GON4L: variants seen among roughly 807,000 people sequenced by gnomAD.
GON4L encodes the protein GON-4-like protein.
GON4L carries 87 observed loss-of-function variants against 211.8 expected under a neutral mutation model. The observed-to-expected ratio is 0.41, with a 90% CI of 0.35 to 0.49. The LOEUF is 0.49. Ranked by LOEUF, GON4L falls within the 20% of genes least tolerant of loss-of-function variation. The pLI is 0.15. For synonymous variants in GON4L, 875 were observed against 962.6 expected (o/e 0.91, Z 1.68); for missense variants, 2,155 against 2,659.5 (o/e 0.81, Z 4.17).
intron 2 of GON4L, among the ~76,000 whole-genome samples, chr1:155,832,383 G>A (rs539406325): frequency 1.6e-4 from 25 of 151,796 alleles, no homozygotes; most frequent in South Asian, 4.2e-4. Context: ...GGCTCACACC[G>A]TAATCCCAGC....
chr1:155,839,624 C>A (rs1002051778), intron 2 of GON4L, among the ~76,000 whole-genome samples: 22 of 145,506 alleles, frequency 1.5e-4, no homozygotes, highest in Non-Finnish European at 2.4e-4. Flanking sequence ...GCACACCAGT[C>A]TGGGCAACAG....
At chr1:155,821,700 G>T in intron 4 of GON4L, 152 bp from the exon 5 acceptor site, 2 of 656,750 alleles carry the variant, frequency 3.0e-6, no homozygotes, top group Non-Finnish European at 2.8e-6. Context: ...GCAACTGAAA[G>T]CAAAGAAGGC....
Position 155,773,198 on chromosome 1 carries a change from G to T in GON4L, c.2363C>A (p.Pro788His). 6.2e-7 allele frequency: 1 copy of T among 1,613,948 alleles called. No individual in the cohort carries two copies. Among genetic ancestry groups the T allele is most frequent in the South Asian group, 1.1e-5 (1 of 91,080 alleles). ...CCAAGCCACTTGCTTTGGCAAACAGGGAAATTCATTCGCTATAAGAAAATA... is the reference window on the plus strand; with the variant it reads ...CCAAGCCACTTGCTTTGGCAAACAGTGAAATTCATTCGCTATAAGAAAATA... ...KTVKKTANEF[P>H]CLPKQVAWIL... The change falls in exon 18 of 32, where the codon CCC becomes CAC. Residue 788 changes from proline to histidine, a missense_variant. Pro to His is a moderately conservative substitution (Grantham distance 77). Coordinates refer to ENST00000368331, the MANE Select transcript of GON4L (RefSeq NM_001282860.2).
chr1:155,812,558 AT>A (rs763363461), intron 10 of GON4L, among the ~76,000 whole-genome samples: 558 of 144,580 alleles, frequency 3.9e-3, no homozygotes, highest in Middle Eastern at 0.011. Flanking sequence ...CTGTATCCTG[AT>A]TTTTTTTTTT....
chr1:155,756,982 C>T lies in GON4L; in HGVS notation c.5493G>A (p.Glu1831=), dbSNP rs768046906. ...PTASKNKRKK[E]IGVQNHDKET... Reference sequence around the variant, plus strand: ...CCTTATCATGATTTTGGACCCCGATCTCTTTTTTCCTCTTGTTCTTTGAGG... The same window carrying T: ...CCTTATCATGATTTTGGACCCCGATTTCTTTTTTCCTCTTGTTCTTTGAGG... Residue 1831 remains glutamate (E), a synonymous_variant, in exon 27 of 32, where the codon GAG becomes GAA. Coordinates refer to ENST00000368331, the MANE Select transcript of GON4L (RefSeq NM_001282860.2). 2 of 1,613,438 alleles carry T rather than the reference C, an allele frequency of 1.2e-6. No homozygotes were observed. The highest frequency in any genetic ancestry group is 1.7e-6 in the Non-Finnish European group (2 of 1,179,436).
At chr1:155,845,909 A>G in intron 2 of GON4L, 1 of 223,790 alleles carries the variant, frequency 4.5e-6, no homozygotes, top group Non-Finnish European at 9.4e-6. Context: ...CATCAAAGAC[A>G]CTACAGTGGG....
chr1:155,819,495 A>G (rs968534542), intron 6 of GON4L, among the ~76,000 whole-genome samples: 9 of 151,832 alleles, frequency 5.9e-5, no homozygotes, highest in South Asian at 2.1e-4. Context: ...GCTTCAAGCA[A>G]TCTTCCTACC....
chr1:155,750,175 A>C lies in GON4L; in HGVS notation c.*409T>G, dbSNP rs1660431282. 1.7e-6 allele frequency: 1 copy of C among 577,108 alleles called. No individual in the cohort carries two copies. Among genetic ancestry groups the C allele is most frequent in the South Asian group, 2.0e-5 (1 of 48,804 alleles). 35.7% of individuals were successfully genotyped at this position (577,108 alleles called of 1,614,324 possible). Reference sequence around the variant, plus strand: ...GGGAGAAAGGAGCTAGTTTGCAATAAAAACAGCTGGATGCAGGAGCCCAGT... The same window carrying C: ...GGGAGAAAGGAGCTAGTTTGCAATACAAACAGCTGGATGCAGGAGCCCAGT... On this transcript the variant is annotated 3_prime_UTR_variant, in exon 32 of 32. Coordinates refer to ENST00000368331, the MANE Select transcript of GON4L (RefSeq NM_001282860.2).
chr1:155,781,901 C>A (rs180970065), intron 14 of GON4L, among the ~76,000 whole-genome samples: 3 of 152,076 alleles, frequency 2.0e-5, no homozygotes, highest in Non-Finnish European at 4.4e-5. Flanking sequence ...GGATTACAGG[C>A]GTGTGCCACC....
intron 2 of GON4L, 123 bp from the exon 3 acceptor site, chr1:155,827,151 T>G: frequency 1.3e-6 from 1 of 746,552 alleles, no homozygotes; most frequent in Non-Finnish European, 2.4e-6. Context: ...ATATACTATA[T>G]AGGAATTTTC....
chr1:155,821,604 C>T (rs185233552), intron 4 of GON4L, 56 bp from the exon 5 acceptor site: 2 of 956,746 alleles, frequency 2.1e-6, no homozygotes, highest in East Asian at 2.4e-5. Flanking sequence ...CTAGACAATA[C>T]TCATCTCTCC....
At chr1:155,839,422 G>A (rs1181012663) in intron 2 of GON4L, among the ~76,000 whole-genome samples, 1 of 152,176 alleles carries the variant, frequency 6.6e-6, no homozygotes, top group Non-Finnish European at 1.5e-5. Flanking sequence ...GCCAAGGTGG[G>A]TGGATCACTT....
At chr1:155,745,493 C>T (rs1225965749), downstream of GON4L, among the ~76,000 whole-genome samples, 1 of 152,178 alleles carries the variant, frequency 6.6e-6, no homozygotes, top group Non-Finnish European at 1.5e-5. Flanking sequence ...AGAGATAAGA[C>T]CTCAAGGGAA....
At chr1:155,799,099 T>C (rs1003169669) in intron 11 of GON4L, among the ~76,000 whole-genome samples, 22 of 152,166 alleles carry the variant, frequency 1.4e-4, no homozygotes, top group African/African-American at 5.3e-4. Context: ...ATCATTGGCT[T>C]TGTGTGCTCT....
chr1:155,845,401 G>C, intron 2 of GON4L: 1 of 312,214 alleles, frequency 3.2e-6, no homozygotes, highest in South Asian at 2.9e-5. Context: ...TGCAGAAGGT[G>C]GTAGTCCACC....
At chr1:155,855,667 G>A (rs1041466459) in intron 1 of GON4L, among the ~76,000 whole-genome samples, 13 of 152,092 alleles carry the variant, frequency 8.5e-5, no homozygotes, top group Non-Finnish European at 1.9e-4. Flanking sequence ...CAGCATTTGG[G>A]CCAAATGTTA....
At chr1:155,856,395 CT>C (rs1420940336) in intron 1 of GON4L, among the ~76,000 whole-genome samples, 2 of 148,728 alleles carry the variant, frequency 1.3e-5, no homozygotes, top group East Asian at 1.9e-4. Flanking sequence ...CCCTCAACGA[CT>C]TTTTTTCTTT....
chr1:155,845,648 T>C, intron 2 of GON4L: 1 of 332,330 alleles, frequency 3.0e-6, no homozygotes, highest in Non-Finnish European at 6.1e-6. Context: ...AATAGTTGAG[T>C]GGTACCACAT....
intron 1 of GON4L, among the ~76,000 whole-genome samples, chr1:155,855,497 C>T (rs867588073): frequency 1.3e-5 from 2 of 152,082 alleles, no homozygotes; most frequent in African/African-American, 2.4e-5. Context: ...ATTGGGATTA[C>T]GGTCCCATCC....
Sources: gnomAD v4.1 joint callset for allele counts (sites outside exome capture counted in the v4.1 genomes callset) on GRCh38, gnomAD v4.1.1 for gene constraint, MANE v1.5 for transcripts, NCBI Gene and HGNC (gene_info 2026-07-23, HGNC 2026-07-21) for gene names.